Variants in RBFOX1 observed in about 807,000 individuals in gnomAD.
The protein encoded by RBFOX1 is RNA binding protein fox-1 homolog 1.
A neutral mutation model predicts 57.7 loss-of-function variants in RBFOX1; 8 were observed. That is an observed-to-expected ratio of 0.14 (90% confidence interval 0.08 to 0.25). The LOEUF is 0.25. RBFOX1 is among the 10% of genes least tolerant of loss of function. RBFOX1 has a pLI of 1.00. For missense variants in RBFOX1, 611 were observed against 548.5 expected (o/e 1.11, Z -1.14); for synonymous variants, 326 against 222.4 (o/e 1.47, Z -4.15).
intron 3 of RBFOX1, among the ~76,000 whole-genome samples, chr16:7,023,272 T>C (rs1376723438): frequency 1.3e-5 from 2 of 150,482 alleles, no homozygotes; most frequent in Non-Finnish European, 3.0e-5. Flanking sequence ...AGGTCAGGAG[T>C]CCAAGACCAG....
chr16:6,872,867 C>T (rs2061181005), intron 3 of RBFOX1, among the ~76,000 whole-genome samples: 1 of 152,132 alleles, frequency 6.6e-6, no homozygotes, highest in South Asian at 2.1e-4. Flanking sequence ...AATTCAAAGA[C>T]TCCATGTTCC....
At chr16:6,326,436 A>G (rs540542018) in intron 2 of RBFOX1, among the ~76,000 whole-genome samples, 2 of 152,200 alleles carry the variant, frequency 1.3e-5, no homozygotes, top group African/African-American at 4.8e-5. Flanking sequence ...GATTAGTTTG[A>G]CCAGATGTGA....
At chr16:5,283,732 C>A (rs537947540) in intron 1 of RBFOX1, among the ~76,000 whole-genome samples, 1 of 152,294 alleles carries the variant, frequency 6.6e-6, no homozygotes, top group African/African-American at 2.4e-5. Context: ...GCCTATACCC[C>A]CATTGTATCT....
At chr16:5,319,354 G>T (rs1204481957) in intron 1 of RBFOX1, among the ~76,000 whole-genome samples, 1 of 152,126 alleles carries the variant, frequency 6.6e-6, no homozygotes, top group Non-Finnish European at 1.5e-5. Context: ...CTTGGAGTTT[G>T]CTCTGAATTT....
Position 7,216,180 on chromosome 16 carries a change from A to T in RBFOX1, c.27+164082A>T, listed in dbSNP as rs546036333. On this transcript the variant is annotated intron_variant, in intron 4 of 15. Coordinates refer to ENST00000550418, the MANE Select transcript of RBFOX1 (RefSeq NM_018723.4). ...ACCATGTTGTATTTACCTCTTTACT[A>T]GTTGGTAGATAATTGGGTTGTTTCC... Among the ~76,000 whole-genome samples the T allele has an allele frequency of 3.3e-5, 5 of 152,206 alleles. No individual in the cohort carries two copies. In the East Asian group the frequency reaches 9.7e-4, roughly 29 times the overall value.
intron 1 of RBFOX1, among the ~76,000 whole-genome samples, chr16:6,099,340 A>G (rs1043319409): frequency 6.6e-6 from 1 of 152,202 alleles, no homozygotes; most frequent in Non-Finnish European, 1.5e-5. Context: ...TGAGAACACA[A>G]ACTACACCGA....
chr16:5,712,498 C>T (rs1472442286), intron 3 of RBFOX1, among the ~76,000 whole-genome samples: 2 of 152,178 alleles, frequency 1.3e-5, no homozygotes, highest in African/African-American at 4.8e-5. Flanking sequence ...ATCTCAAGAG[C>T]AGAGGGAAGA....
intron 3 of RBFOX1, among the ~76,000 whole-genome samples, chr16:6,732,719 G>C (rs1330113674): frequency 2.0e-5 from 3 of 152,212 alleles, no homozygotes; most frequent in Non-Finnish European, 4.4e-5. Context: ...ACATAAGCCT[G>C]ATTTATGCCA....
At chr16:6,400,200 G>T (rs142137153) in intron 2 of RBFOX1, among the ~76,000 whole-genome samples, 12 of 152,296 alleles carry the variant, frequency 7.9e-5, no homozygotes, top group South Asian at 4.1e-4. Flanking sequence ...TAGACTACAT[G>T]TTGGGTATGA....
intron 4 of RBFOX1, among the ~76,000 whole-genome samples, chr16:7,442,332 C>G (rs1280717869): frequency 6.6e-6 from 1 of 152,140 alleles, no homozygotes; most frequent in African/African-American, 2.4e-5. Context: ...CCCAGCACAG[C>G]CTTCCTTAGG....
intron 4 of RBFOX1, among the ~76,000 whole-genome samples, chr16:7,071,079 C>T (rs947176384): frequency 2.0e-5 from 3 of 152,154 alleles, no homozygotes; most frequent in Admixed American, 6.5e-5. Flanking sequence ...TACTCAAAGC[C>T]TGAGAAAGGA....
chr16:7,548,218 C>A (rs2085178842), intron 5 of RBFOX1, among the ~76,000 whole-genome samples: 1 of 152,310 alleles, frequency 6.6e-6, no homozygotes, highest in Admixed American at 6.5e-5. Flanking sequence ...GTCACCCAGG[C>A]TGGAGTACAG....
intron 3 of RBFOX1, among the ~76,000 whole-genome samples, chr16:5,743,614 T>C (rs2151597948): frequency 6.6e-6 from 1 of 152,334 alleles, no homozygotes; most frequent in East Asian, 1.9e-4. Flanking sequence ...TGTTTTAATG[T>C]GGCTACTGGG....
chr16:6,424,183 G>A (rs1332080366), intron 2 of RBFOX1, among the ~76,000 whole-genome samples: 1 of 152,208 alleles, frequency 6.6e-6, no homozygotes, highest in African/African-American at 2.4e-5. Context: ...AGGTTGCAGT[G>A]AGCTAAGATT....
rs562175778 is a variant in RBFOX1, at chr16:6,035,382, C to G, written c.-127+15390C>G. Reference sequence around the variant, plus strand: ...GCTGCCCCTTGTGGCAGATGCCAGTCTAGGAAGAAACAAGACGGTATTACT... The same window carrying G: ...GCTGCCCCTTGTGGCAGATGCCAGTGTAGGAAGAAACAAGACGGTATTACT... On this transcript the variant is annotated intron_variant, in intron 1 of 15. Transcript: ENST00000550418. Among the ~76,000 whole-genome samples the G allele has an allele frequency of 1.2e-4, 19 of 152,314 alleles. No individual in the cohort carries two copies. The East Asian group carries it at 3.3e-3, about 26-fold the overall frequency.
At chr16:6,136,968 T>A (rs1272571045) in intron 1 of RBFOX1, among the ~76,000 whole-genome samples, 2 of 152,212 alleles carry the variant, frequency 1.3e-5, no homozygotes, top group Admixed American at 6.5e-5. Context: ...AAGTTTAATT[T>A]GCCTTTTTTA....
At chr16:7,209,371 A>C (rs781473560) in intron 4 of RBFOX1, among the ~76,000 whole-genome samples, 2 of 152,142 alleles carry the variant, frequency 1.3e-5, no homozygotes, top group Non-Finnish European at 2.9e-5. Context: ...TCCTTTTCTT[A>C]TAAGGACACC....
intron 14 of RBFOX1, among the ~76,000 whole-genome samples, chr16:7,705,251 A>C (rs1458674907): frequency 1.3e-5 from 2 of 152,102 alleles, no homozygotes; most frequent in East Asian, 1.9e-4. Context: ...TCATGCGTGT[A>C]ATCCCAGCAC....
chr16:7,662,339 C>G (rs1291259454), intron 12 of RBFOX1, among the ~76,000 whole-genome samples: 1 of 152,198 alleles, frequency 6.6e-6, no homozygotes, highest in African/African-American at 2.4e-5. Context: ...AATCGTATTT[C>G]TCCTCCATTG....
Sources: gnomAD v4.1 joint callset for allele counts (sites outside exome capture counted in the v4.1 genomes callset) on GRCh38, gnomAD v4.1.1 for gene constraint, MANE v1.5 for transcripts, NCBI Gene and HGNC (gene_info 2026-07-23, HGNC 2026-07-21) for gene names.